The following ST6GALNAC3 variants were observed in gnomAD, a reference collection of about 807,000 sequenced individuals.
ST6GALNAC3 encodes ST6 N-acetylgalactosaminide alpha-2,6-sialyltransferase 3.
ST6GALNAC3 carries 25 observed loss-of-function variants against 32.7 expected under a neutral mutation model. That is an observed-to-expected ratio of 0.76 (90% confidence interval 0.56 to 1.07). The LOEUF is 1.07. ST6GALNAC3 is among the 50% of genes least tolerant of loss of function. The pLI is 0.00. For synonymous variants in ST6GALNAC3, 129 were observed against 133.1 expected (o/e 0.97, Z 0.21); for missense variants, 355 against 382.4 (o/e 0.93, Z 0.60).
intron 3 of ST6GALNAC3, among the ~76,000 whole-genome samples, chr1:76,451,715 G>A (rs1657418448): frequency 1.3e-5 from 2 of 152,176 alleles, no homozygotes; most frequent in South Asian, 4.1e-4. Flanking sequence ...TTGATTCTCA[G>A]CTTAGTCACT....
chr1:76,315,402 C>T (rs1646846710), intron 2 of ST6GALNAC3, among the ~76,000 whole-genome samples: 1 of 151,940 alleles, frequency 6.6e-6, no homozygotes, highest in Admixed American at 6.6e-5. Context: ...ATGGGAAATC[C>T]CGTCAAATAT....
intron 1 of ST6GALNAC3, among the ~76,000 whole-genome samples, chr1:76,112,478 C>T (rs188335551): frequency 4.4e-3 from 655 of 150,428 alleles, no homozygotes; most frequent in African/African-American, 0.015. Flanking sequence ...GCTAACCTCC[C>T]CACCTCCCTT....
At chr1:76,530,432 G>T (rs1663182726) in intron 3 of ST6GALNAC3, among the ~76,000 whole-genome samples, 1 of 152,040 alleles carries the variant, frequency 6.6e-6, no homozygotes, top group African/African-American at 2.4e-5. Context: ...TGTGAGATTG[G>T]GGTTAAAACT....
intron 1 of ST6GALNAC3, among the ~76,000 whole-genome samples, chr1:76,291,096 G>T (rs912125321): frequency 6.6e-6 from 1 of 152,212 alleles, no homozygotes; most frequent in Non-Finnish European, 1.5e-5. Context: ...AGCAGGAAAG[G>T]AGGAGATGGA....
intron 3 of ST6GALNAC3, among the ~76,000 whole-genome samples, chr1:76,505,105 A>C (rs1661395041): frequency 6.6e-6 from 1 of 151,918 alleles, no homozygotes; most frequent in Non-Finnish European, 1.5e-5. Context: ...GTAGCGATAG[A>C]AGCAGGAAAT....
intron 3 of ST6GALNAC3, among the ~76,000 whole-genome samples, chr1:76,494,550 AACACACACAC>A (rs55892265): frequency 0.032 from 2,045 of 63,790 alleles, 53 homozygotes; most frequent in Admixed American, 0.084. Flanking sequence ...CATGTGTATA[AACACACACAC>A]ACACACACAC....
chr1:76,302,982 C>T (rs1345713451), intron 1 of ST6GALNAC3, among the ~76,000 whole-genome samples: 1 of 151,890 alleles, frequency 6.6e-6, no homozygotes, highest in African/African-American at 2.4e-5. Flanking sequence ...AGAGGTTTCC[C>T]ATTAGCCTGA....
chr1:76,243,892 G>T (rs1657107651), intron 1 of ST6GALNAC3, among the ~76,000 whole-genome samples: 1 of 152,180 alleles, frequency 6.6e-6, no homozygotes, highest in Admixed American at 6.5e-5. Flanking sequence ...GATGCCTCCA[G>T]CTTTGCTCTT....
At chr1:76,083,809 G>A (rs985288725) in intron 1 of ST6GALNAC3, among the ~76,000 whole-genome samples, 7 of 151,852 alleles carry the variant, frequency 4.6e-5, no homozygotes, top group African/African-American at 7.3e-5. Flanking sequence ...CTCGGTGTAC[G>A]TTTTACACTT....
At chr1:76,412,488 GC>G in intron 3 of ST6GALNAC3, 71 bp downstream of exon 3, 1 of 1,430,040 alleles carries the variant, frequency 7.0e-7, no homozygotes, top group Non-Finnish European at 9.4e-7. Flanking sequence ...AATTCCTTTT[GC>G]AGGATATAAA....
chr1:76,356,853 C>G (rs1296916839), intron 2 of ST6GALNAC3, among the ~76,000 whole-genome samples: 1 of 152,124 alleles, frequency 6.6e-6, no homozygotes, highest in Admixed American at 6.5e-5. Context: ...CATTCCCTTC[C>G]CAGGTCAGCA....
At chr1:76,253,917 G>A (rs560182349) in intron 1 of ST6GALNAC3, among the ~76,000 whole-genome samples, 2 of 152,206 alleles carry the variant, frequency 1.3e-5, no homozygotes, top group South Asian at 4.1e-4. Flanking sequence ...CAGATCTTGG[G>A]ATCATTCAAA....
chr1:76,604,334 A>G (rs1018323635), intron 3 of ST6GALNAC3, among the ~76,000 whole-genome samples: 2 of 152,236 alleles, frequency 1.3e-5, no homozygotes, highest in African/African-American at 4.8e-5. Flanking sequence ...TTCGTAAGTA[A>G]GCACCTAATA....
At chr1:76,478,122 C>T (rs1204822860) in intron 3 of ST6GALNAC3, among the ~76,000 whole-genome samples, 7 of 152,266 alleles carry the variant, frequency 4.6e-5, no homozygotes, top group Admixed American at 4.6e-4. Flanking sequence ...TCCTCCAGGT[C>T]TCATGAACAT....
intron 1 of ST6GALNAC3, among the ~76,000 whole-genome samples, chr1:76,134,611 C>T (rs1570125359): frequency 6.6e-6 from 1 of 152,104 alleles, no homozygotes; most frequent in South Asian, 2.1e-4. Context: ...CCTGTGAGTC[C>T]CTTAGGTGTG....
chr1:76,554,805 A>C (rs41509344), intron 3 of ST6GALNAC3, among the ~76,000 whole-genome samples: 2 of 152,140 alleles, frequency 1.3e-5, no homozygotes, highest in African/African-American at 4.8e-5. Context: ...CACTTCTAAT[A>C]ATTCTAATGA....
At chr1:76,456,183 CAAA>C (rs1657774207) in intron 3 of ST6GALNAC3, among the ~76,000 whole-genome samples, 1 of 151,976 alleles carries the variant, frequency 6.6e-6, no homozygotes, top group Admixed American at 6.6e-5. Flanking sequence ...AAAAGAAAAA[CAAA>C]AACAAAAACA....
chr1:76,267,561 G>C (rs1658604126), intron 1 of ST6GALNAC3, among the ~76,000 whole-genome samples: 1 of 152,014 alleles, frequency 6.6e-6, no homozygotes, highest in Non-Finnish European at 1.5e-5. Flanking sequence ...TTTTCATACT[G>C]AGGTTGAATA....
chr1:76,297,647 C>T (rs112073645), intron 1 of ST6GALNAC3, among the ~76,000 whole-genome samples: 1,773 of 152,072 alleles, frequency 0.012, 33 homozygotes, highest in African/African-American at 0.041. Context: ...ACAGTTGTCT[C>T]AACTATGAAG....
Sources: gnomAD v4.1 joint callset for allele counts (sites outside exome capture counted in the v4.1 genomes callset) on GRCh38, gnomAD v4.1.1 for gene constraint, MANE v1.5 for transcripts, NCBI Gene and HGNC (gene_info 2026-07-23, HGNC 2026-07-21) for gene names.